HSPBAP1: variants seen among roughly 807,000 people sequenced by gnomAD.
The protein encoded by HSPBAP1 is HSPB1 associated protein 1, also known as HSPB1-associated protein 1.
HSPBAP1 carries 27 observed loss-of-function variants against 45.2 expected under a neutral mutation model. That is an observed-to-expected ratio of 0.60 (90% CI 0.44 to 0.82). HSPBAP1 has a LOEUF of 0.82. HSPBAP1 is among the 40% of genes least tolerant of loss of function. HSPBAP1 has a pLI of 0.00. For synonymous variants in HSPBAP1, 204 were observed against 202.7 expected (o/e 1.01, Z -0.06); for missense variants, 510 against 590.9 (o/e 0.86, Z 1.42).
At chr3:122,749,207 G>T (rs953558608) in intron 6 of HSPBAP1, among the ~76,000 whole-genome samples, 1 of 151,768 alleles carries the variant, frequency 6.6e-6, no homozygotes, top group East Asian at 1.9e-4. Flanking sequence ...TGATAAACCA[G>T]AAATGAATAA....
intron 6 of HSPBAP1, among the ~76,000 whole-genome samples, chr3:122,746,564 T>G (rs900451778): frequency 6.6e-6 from 1 of 151,850 alleles, no homozygotes. Flanking sequence ...GTCCTGACAA[T>G]CCTATTACCA....
At chr3:122,770,974 G>A (rs1168807581) in intron 2 of HSPBAP1, among the ~76,000 whole-genome samples, 3 of 152,238 alleles carry the variant, frequency 2.0e-5, no homozygotes, top group East Asian at 1.9e-4. Flanking sequence ...CCCCTGGGGC[G>A]GACTAAGCAG....
chr3:122,781,561 G>C (rs1935482063), intron 1 of HSPBAP1, among the ~76,000 whole-genome samples: 1 of 152,162 alleles, frequency 6.6e-6, no homozygotes, highest in South Asian at 2.1e-4. Flanking sequence ...GGAGACCGTG[G>C]GGAGACGGAG....
At position 122,792,208 on chromosome 3, in the gene HSPBAP1, G is replaced by T. The variant is rs562903731; in HGVS notation, c.64+1409C>A. Among the ~76,000 whole-genome samples the T allele has an allele frequency of 1.3e-5, 2 of 152,276 alleles. 1 individual carries two copies. Among genetic ancestry groups the T allele is most frequent in the South Asian group, 4.1e-4 (2 of 4,828 alleles). ...ATACTGACTGAATATTCAAGAGTTT[G>T]GCCATTTTCACTTTATACGGTCATC... On this transcript the variant is annotated intron_variant, in intron 1 of 7. Transcript: ENST00000306103.
chr3:122,759,126 C>A, intron 4 of HSPBAP1, 98 bp downstream of exon 4: 1 of 1,468,452 alleles, frequency 6.8e-7, no homozygotes, highest in Non-Finnish European at 9.1e-7. Flanking sequence ...TGGGACTACA[C>A]CTTGGGGTAT....
intron 1 of HSPBAP1, among the ~76,000 whole-genome samples, chr3:122,779,855 A>C (rs1480537952): frequency 2.0e-5 from 3 of 152,096 alleles, no homozygotes; most frequent in Admixed American, 6.6e-5. Context: ...ATACCAAGGC[A>C]GAAGAATTTT....
chr3:122,777,532 C>A (rs768501040), intron 2 of HSPBAP1, among the ~76,000 whole-genome samples, 189 bp downstream of exon 2: 3 of 152,052 alleles, frequency 2.0e-5, no homozygotes, highest in Non-Finnish European at 4.4e-5. Context: ...ATAGTTTATA[C>A]AGACAAAAAC....
intron 6 of HSPBAP1, among the ~76,000 whole-genome samples, chr3:122,750,336 CAAAT>C (rs1934084538): frequency 6.6e-6 from 1 of 152,042 alleles, no homozygotes; most frequent in African/African-American, 2.4e-5. Context: ...AATACAGAAA[CAAAT>C]AAAAAATTCT....
chr3:122,750,006 C>A (rs181262431), intron 6 of HSPBAP1, among the ~76,000 whole-genome samples: 1 of 148,420 alleles, frequency 6.7e-6, no homozygotes, highest in Admixed American at 6.7e-5. Flanking sequence ...GACAGAGACT[C>A]GCTCTGTTGC....
At chr3:122,793,438 T>A (rs1935899603) in intron 1 of HSPBAP1, among the ~76,000 whole-genome samples, 179 bp downstream of exon 1, 1 of 152,238 alleles carries the variant, frequency 6.6e-6, no homozygotes, top group Non-Finnish European at 1.5e-5. Context: ...ATCAAAAATC[T>A]GGATGCCACA....
At chr3:122,785,009 C>G (rs886746264) in intron 1 of HSPBAP1, among the ~76,000 whole-genome samples, 1 of 152,216 alleles carries the variant, frequency 6.6e-6, no homozygotes, top group Non-Finnish European at 1.5e-5. Context: ...TGTCAGAGGA[C>G]TGGAACCAGA....
At chr3:122,783,891 C>T (rs966301367) in intron 1 of HSPBAP1, among the ~76,000 whole-genome samples, 2 of 150,954 alleles carry the variant, frequency 1.3e-5, no homozygotes, top group African/African-American at 2.4e-5. Flanking sequence ...AGTGCAGTGG[C>T]GGGATCTCGG....
chr3:122,756,665 T>C (rs1299172031), intron 4 of HSPBAP1, among the ~76,000 whole-genome samples: 1 of 148,240 alleles, frequency 6.7e-6, no homozygotes, highest in African/African-American at 2.5e-5. Context: ...GCCACTGCAC[T>C]CCAGCCTGGG....
chr3:122,753,388 C>CAGAATA (rs11282832), intron 5 of HSPBAP1: 725,859 of 935,592 alleles, frequency 0.78, 282,988 homozygotes, highest in East Asian at 0.96. Flanking sequence ...CAGCGGACTT[C>CAGAATA]AGAATCTAGA....
chr3:122,787,860 A>G (rs541758586), intron 1 of HSPBAP1, among the ~76,000 whole-genome samples: 2 of 152,370 alleles, frequency 1.3e-5, no homozygotes, highest in African/African-American at 4.8e-5. Context: ...CTTACACCAA[A>G]AAGAATTTTT....
chr3:122,781,081 G>A (rs375230530), intron 1 of HSPBAP1, among the ~76,000 whole-genome samples: 8,032 of 150,082 alleles, frequency 0.054, 280 homozygotes, highest in Middle Eastern at 0.11. Context: ...CTGGGCAGCC[G>A]GGCAGAGGGG....
intron 2 of HSPBAP1, among the ~76,000 whole-genome samples, chr3:122,775,761 C>T (rs1935173489): frequency 6.6e-6 from 1 of 152,092 alleles, no homozygotes; most frequent in African/African-American, 2.4e-5. Flanking sequence ...ACTGTATGAC[C>T]CAGCAATTCT....
chr3:122,788,601 G>A (rs555748580), intron 1 of HSPBAP1, among the ~76,000 whole-genome samples: 25 of 152,266 alleles, frequency 1.6e-4, no homozygotes, highest in African/African-American at 5.1e-4. Flanking sequence ...GCAATGGAAC[G>A]TTATTCCGCC....
intron 4 of HSPBAP1, among the ~76,000 whole-genome samples, chr3:122,757,457 T>C (rs1934396005): frequency 6.6e-6 from 1 of 152,202 alleles, no homozygotes; most frequent in African/African-American, 2.4e-5. Context: ...CTCTGTGAAA[T>C]CTTCCCTGAT....
Sources: gnomAD v4.1 joint callset for allele counts (sites outside exome capture counted in the v4.1 genomes callset) on GRCh38, gnomAD v4.1.1 for gene constraint, MANE v1.5 for transcripts, NCBI Gene and HGNC (gene_info 2026-07-23, HGNC 2026-07-21) for gene names.